AGBL4: variants seen among roughly 807,000 people sequenced by gnomAD.
AGBL4 encodes AGBL carboxypeptidase 4.
AGBL4 carries 58 observed loss-of-function variants against 66.4 expected under a neutral mutation model. The ratio of observed to expected loss-of-function variants is 0.87; its 90% CI spans 0.71 to 1.09. The LOEUF (loss-of-function observed/expected upper bound fraction) is 1.09. Ranked by LOEUF, AGBL4 falls within the 50% of genes least tolerant of loss-of-function variation. The pLI is 0.00. For missense variants in AGBL4, 579 were observed against 631.0 expected, an observed-to-expected ratio of 0.92 and a Z score of 0.88; for synonymous variants, 234 against 222.9, an observed-to-expected ratio of 1.05 and a Z score of -0.44.
chr1:49,169,408 T>C (rs2148159026), intron 4 of AGBL4, among the ~76,000 whole-genome samples: 1 of 152,324 alleles, frequency 6.6e-6, no homozygotes, highest in African/African-American at 2.4e-5. Flanking sequence ...GCTTGCATTT[T>C]TCTGTTTCAC....
intron 3 of AGBL4, among the ~76,000 whole-genome samples, chr1:49,480,433 T>C (rs1349726653): frequency 6.6e-6 from 1 of 152,124 alleles, no homozygotes; most frequent in Non-Finnish European, 1.5e-5. Context: ...CTTGCATGTC[T>C]TCTTTTGAGA....
intron 6 of AGBL4, among the ~76,000 whole-genome samples, chr1:48,688,856 C>G (rs1646576467): frequency 6.6e-6 from 1 of 151,178 alleles, no homozygotes; most frequent in South Asian, 2.1e-4. Flanking sequence ...GGAAGGGGAG[C>G]CTGTGGCCAT....
At position 49,065,408 on chromosome 1, in the gene AGBL4, C is replaced by T. The variant is rs867712515; in HGVS notation, c.378-19608G>A. Among the ~76,000 whole-genome samples, 6 of 152,248 alleles carry T rather than the reference C, an allele frequency of 3.9e-5. No individual in the cohort carries two copies. In the South Asian group the frequency reaches 1.0e-3, roughly 26 times the overall value. On this transcript the variant is annotated intron_variant, in intron 4 of 13. Transcript: ENST00000371839. ...CAAATGGGAAGAAAGACTTCTCAGACAGAGGGTATAGCTTATGTGAAGGAG... is the reference window on the plus strand; with the variant it reads ...CAAATGGGAAGAAAGACTTCTCAGATAGAGGGTATAGCTTATGTGAAGGAG...
At chr1:49,278,498 G>A (rs1345882034) in intron 3 of AGBL4, among the ~76,000 whole-genome samples, 1 of 152,136 alleles carries the variant, frequency 6.6e-6, no homozygotes, top group Non-Finnish European at 1.5e-5. Context: ...TTTTAGGGCA[G>A]AGATCAAGTC....
At chr1:49,878,025 T>C (rs1053506026) in intron 1 of AGBL4, among the ~76,000 whole-genome samples, 1 of 152,062 alleles carries the variant, frequency 6.6e-6, no homozygotes, top group Non-Finnish European at 1.5e-5. Context: ...TCATTTTTTA[T>C]TGTGTCTCTT....
intron 3 of AGBL4, among the ~76,000 whole-genome samples, chr1:49,486,762 C>A (rs1184799565): frequency 6.6e-6 from 1 of 152,010 alleles, no homozygotes; most frequent in African/African-American, 2.4e-5. Flanking sequence ...TTCTGAAAAT[C>A]TAATGAAAAA....
intron 5 of AGBL4, among the ~76,000 whole-genome samples, chr1:48,974,924 T>A (rs1659193327): frequency 6.6e-6 from 1 of 152,112 alleles, no homozygotes; most frequent in Admixed American, 6.6e-5. Flanking sequence ...CTATTTCAAT[T>A]CTCTTGCTTT....
At chr1:49,939,396 C>A (rs1028926748) in intron 1 of AGBL4, among the ~76,000 whole-genome samples, 13 of 151,996 alleles carry the variant, frequency 8.6e-5, no homozygotes, top group African/African-American at 1.2e-4. Flanking sequence ...CATTGCCAAG[C>A]CAATCCTAAG....
At chr1:49,977,495 A>C (rs1372165588) in intron 1 of AGBL4, among the ~76,000 whole-genome samples, 1 of 152,276 alleles carries the variant, frequency 6.6e-6, no homozygotes, top group Non-Finnish European at 1.5e-5. Flanking sequence ...ACAGAAAAAC[A>C]GTTCACTGAA....
chr1:49,805,121 G>C, intron 2 of AGBL4, among the ~76,000 whole-genome samples: 1 of 152,170 alleles, frequency 6.6e-6, no homozygotes, highest in East Asian at 1.9e-4. Flanking sequence ...GGCAGAATCA[G>C]CAAACATAAA....
chr1:48,890,183 ACG>A (rs1250023262), intron 5 of AGBL4, among the ~76,000 whole-genome samples: 1 of 151,990 alleles, frequency 6.6e-6, no homozygotes, highest in East Asian at 1.9e-4. Flanking sequence ...CCTGTCTCTC[ACG>A]CAGGTTTACC....
At chr1:49,130,528 A>G (rs1419753772) in intron 4 of AGBL4, among the ~76,000 whole-genome samples, 1 of 152,208 alleles carries the variant, frequency 6.6e-6, no homozygotes, top group Non-Finnish European at 1.5e-5. Flanking sequence ...AGCTTTCTAC[A>G]TATGGCTAGC....
chr1:49,608,660 C>A (rs1177829718), intron 3 of AGBL4, among the ~76,000 whole-genome samples: 1 of 152,058 alleles, frequency 6.6e-6, no homozygotes, highest in Non-Finnish European at 1.5e-5. Context: ...GATCCTGTAC[C>A]TTTTGACATC....
At chr1:48,961,149 A>T (rs1320537305) in intron 5 of AGBL4, among the ~76,000 whole-genome samples, 1 of 151,812 alleles carries the variant, frequency 6.6e-6, no homozygotes, top group Non-Finnish European at 1.5e-5. Flanking sequence ...CTGTGGAGGG[A>T]TGCCTAGAAC....
chr1:48,679,245 A>C (rs755220145), intron 6 of AGBL4, among the ~76,000 whole-genome samples: 2 of 152,366 alleles, frequency 1.3e-5, no homozygotes, highest in Non-Finnish European at 2.9e-5. Flanking sequence ...TGGCTTTTGC[A>C]ACTACTTTGA....
intron 2 of AGBL4, among the ~76,000 whole-genome samples, chr1:49,796,564 AG>A (rs1175098607): frequency 6.6e-6 from 1 of 151,352 alleles, no homozygotes; most frequent in African/African-American, 2.4e-5. Context: ...TTAAAATATT[AG>A]AAGACTTAAA....
At chr1:49,976,608 G>C (rs1353906246) in intron 1 of AGBL4, among the ~76,000 whole-genome samples, 1 of 152,070 alleles carries the variant, frequency 6.6e-6, no homozygotes, top group Non-Finnish European at 1.5e-5. Context: ...TAATATCACA[G>C]CTTGAAAAGC....
At chr1:49,733,681 C>T (rs369386817) in intron 2 of AGBL4, among the ~76,000 whole-genome samples, 1 of 152,102 alleles carries the variant, frequency 6.6e-6, no homozygotes, top group Non-Finnish European at 1.5e-5. Flanking sequence ...GTGTTTAGGT[C>T]ATGAGGACTC....
chr1:49,273,883 C>T (rs1032918158), intron 3 of AGBL4, among the ~76,000 whole-genome samples: 3 of 152,008 alleles, frequency 2.0e-5, no homozygotes, highest in Non-Finnish European at 4.4e-5. Flanking sequence ...GGGGTTTCAC[C>T]GTGTTAGCCA....
Sources: allele counts gnomAD v4.1 joint callset (sites outside exome capture counted in the v4.1 genomes callset), GRCh38; gene constraint gnomAD v4.1.1; transcripts MANE v1.5; gene names NCBI Gene and HGNC (gene_info 2026-07-23, HGNC 2026-07-21).